The following DPYD variants were observed in gnomAD, a reference collection of about 807,000 sequenced individuals.
The protein encoded by DPYD is dihydropyrimidine dehydrogenase [NADP(+)].
A neutral mutation model predicts 116.2 loss-of-function variants in DPYD; 109 were observed. The ratio of observed to expected loss-of-function variants is 0.94; its 90% confidence interval spans 0.80 to 1.10. DPYD has a LOEUF of 1.10. DPYD is among the 50% of genes least tolerant of loss of function. DPYD has a pLI of 0.00. For synonymous variants in DPYD, 440 were observed against 432.0 expected, an observed-to-expected ratio of 1.02 and a Z score of -0.23; for missense variants, 1,302 against 1,254.5, an observed-to-expected ratio of 1.04 and a Z score of -0.57.
chr1:97,083,238 T>C (rs975683068), intron 21 of DPYD, among the ~76,000 whole-genome samples: 2 of 152,148 alleles, frequency 1.3e-5, no homozygotes, highest in Non-Finnish European at 2.9e-5. Flanking sequence ...AACAAAAGAA[T>C]GTAGCAATGT....
intron 20 of DPYD, among the ~76,000 whole-genome samples, chr1:97,099,041 A>G (rs1185725861): frequency 6.6e-6 from 1 of 152,132 alleles, no homozygotes; most frequent in African/African-American, 2.4e-5. Flanking sequence ...TTAGCATGAT[A>G]TAGACACAGT....
intron 14 of DPYD, among the ~76,000 whole-genome samples, chr1:97,399,379 A>G (rs1673220476): frequency 6.6e-6 from 1 of 152,118 alleles, no homozygotes; most frequent in Non-Finnish European, 1.5e-5. Context: ...GTCAGGTAGC[A>G]TGATGCCTCC....
At chr1:97,676,154 C>T (rs1660133389) in intron 8 of DPYD, among the ~76,000 whole-genome samples, 1 of 152,132 alleles carries the variant, frequency 6.6e-6, no homozygotes, top group South Asian at 2.1e-4. Flanking sequence ...GTGTCAAATA[C>T]TAATGATGAT....
At chr1:97,506,929 C>G (rs1557759660) in intron 13 of DPYD, among the ~76,000 whole-genome samples, 1 of 151,986 alleles carries the variant, frequency 6.6e-6, no homozygotes, top group Non-Finnish European at 1.5e-5. Context: ...TGATTTAAAA[C>G]TTTAAGGATA....
At chr1:97,398,318 T>G (rs571087517) in intron 14 of DPYD, among the ~76,000 whole-genome samples, 50 of 152,310 alleles carry the variant, frequency 3.3e-4, no homozygotes, top group African/African-American at 1.1e-3. Flanking sequence ...GGTGTATATG[T>G]TCCATATTTT....
chr1:97,400,159 G>A (rs1024339496), intron 14 of DPYD, among the ~76,000 whole-genome samples: 23 of 152,144 alleles, frequency 1.5e-4, no homozygotes, highest in Non-Finnish European at 2.9e-4. Flanking sequence ...TTAGCATGAA[G>A]GGCTGTTGAA....
intron 8 of DPYD, among the ~76,000 whole-genome samples, chr1:97,624,776 C>T (rs1005013872): frequency 2.8e-4 from 43 of 151,942 alleles, no homozygotes; most frequent in African/African-American, 1.0e-3. Context: ...AAATACTATT[C>T]GGACTTAAAA....
rs78958460 is a variant in DPYD, at chr1:97,411,660, G to C, written c.1906-29199C>G. Among the ~76,000 whole-genome samples, 800 of 152,194 alleles carry C rather than the reference G, an allele frequency of 5.3e-3. 4 individuals are homozygous for C. Among genetic ancestry groups the C allele is most frequent in the Non-Finnish European group, 8.8e-3 (601 of 68,002 alleles). ...CCTTAATATGCAGTTGATGCTTAGG[G>C]ATCAACCAAAAATGTTTCCCACATT... On this transcript the variant is annotated intron_variant, in intron 14 of 22. Coordinates refer to ENST00000370192, the MANE Select transcript of DPYD (RefSeq NM_000110.4).
At chr1:97,216,108 T>A (rs1660375839) in intron 19 of DPYD, among the ~76,000 whole-genome samples, 1 of 152,238 alleles carries the variant, frequency 6.6e-6, no homozygotes, top group African/African-American at 2.4e-5. Flanking sequence ...ACTGGAATTT[T>A]CTCTAATTGT....
At chr1:97,491,208 T>A (rs1678957705) in intron 13 of DPYD, among the ~76,000 whole-genome samples, 1 of 147,908 alleles carries the variant, frequency 6.8e-6, no homozygotes, top group Non-Finnish European at 1.5e-5. Context: ...ATTAGTATAT[T>A]ATTATATATT....
At chr1:97,840,641 T>C (rs553616424) in intron 2 of DPYD, among the ~76,000 whole-genome samples, 1 of 152,192 alleles carries the variant, frequency 6.6e-6, no homozygotes, top group South Asian at 2.1e-4. Flanking sequence ...TATTAAAAAA[T>C]ATGACATTAA....
intron 6 of DPYD, among the ~76,000 whole-genome samples, chr1:97,693,290 CAAAAAAAAAAAAA>C (rs201872835): frequency 9.6e-4 from 40 of 41,822 alleles, no homozygotes; most frequent in Non-Finnish European, 1.0e-3. Flanking sequence ...GACTCCGTCT[CAAAAAAAAAAAAA>C]AAAAAAAAAA....
intron 3 of DPYD, among the ~76,000 whole-genome samples, chr1:97,780,367 A>C (rs1474249268): frequency 6.6e-6 from 1 of 152,204 alleles, no homozygotes; most frequent in Non-Finnish European, 1.5e-5. Context: ...GAACACTGAA[A>C]ATTCACTAAA....
chr1:97,492,150 G>A (rs112530702), intron 13 of DPYD, among the ~76,000 whole-genome samples: 2 of 152,162 alleles, frequency 1.3e-5, no homozygotes, highest in African/African-American at 2.4e-5. Flanking sequence ...TATTAAGCTC[G>A]ATATAGTCAT....
chr1:97,363,407 A>T (rs1159429379), intron 16 of DPYD, among the ~76,000 whole-genome samples: 3 of 152,200 alleles, frequency 2.0e-5, no homozygotes, highest in Admixed American at 1.3e-4. Context: ...TTTGTCAAGG[A>T]TCTAGAACTA....
chr1:97,488,263 A>G (rs1678762933), intron 13 of DPYD, among the ~76,000 whole-genome samples: 1 of 152,164 alleles, frequency 6.6e-6, no homozygotes, highest in Non-Finnish European at 1.5e-5. Context: ...TATGGTTTCC[A>G]GGCGTTAGGA....
intron 1 of DPYD, among the ~76,000 whole-genome samples, chr1:97,887,213 G>A (rs542123168): frequency 1.3e-5 from 2 of 152,008 alleles, no homozygotes; most frequent in African/African-American, 4.8e-5. Flanking sequence ...AATGGGTCAT[G>A]TCTGTAATGC....
At chr1:97,145,437 G>C (rs1219422906) in intron 20 of DPYD, among the ~76,000 whole-genome samples, 2 of 152,096 alleles carry the variant, frequency 1.3e-5, no homozygotes, top group Admixed American at 1.3e-4. Context: ...TTCCAAGTTC[G>C]TTCCAAGCTA....
chr1:97,212,155 A>G (rs1660073097), intron 19 of DPYD, among the ~76,000 whole-genome samples: 1 of 152,128 alleles, frequency 6.6e-6, no homozygotes, highest in African/African-American at 2.4e-5. Context: ...GTGCAGCATC[A>G]CCACAACCTG....
Sources: gnomAD v4.1 joint callset for allele counts (sites outside exome capture counted in the v4.1 genomes callset) on GRCh38, gnomAD v4.1.1 for gene constraint, MANE v1.5 for transcripts, NCBI Gene and HGNC (gene_info 2026-07-23, HGNC 2026-07-21) for gene names.